Variants in RAD51AP1 observed in about 807,000 individuals in gnomAD.
RAD51AP1 encodes the protein RAD51-associated protein 1.
In RAD51AP1, 14 loss-of-function variants were observed where a neutral mutation model predicts 34.3. The observed-to-expected ratio is 0.41, with a 90% confidence interval of 0.27 to 0.64. The LOEUF is 0.64. RAD51AP1 is among the 30% of genes least tolerant of loss of function. RAD51AP1 has a pLI of 0.33. For missense variants in RAD51AP1, 348 were observed against 386.9 expected, an observed-to-expected ratio of 0.90 and a Z score of 0.84; for synonymous variants, 114 against 129.8, an observed-to-expected ratio of 0.88 and a Z score of 0.83.
intron 4 of RAD51AP1, among the ~76,000 whole-genome samples, chr12:4,547,491 T>C (rs894621924): frequency 1.3e-5 from 2 of 152,206 alleles, no homozygotes; most frequent in Non-Finnish European, 2.9e-5. Flanking sequence ...CATCTCTCTC[T>C]TTTAAGACAT....
intron 4 of RAD51AP1, 144 bp from the exon 5 acceptor site, chr12:4,547,948 C>T: frequency 3.6e-6 from 3 of 836,618 alleles, no homozygotes; most frequent in Non-Finnish European, 5.3e-6. Flanking sequence ...ATATGTTAAC[C>T]TCTCTGAATA....
intron 6 of RAD51AP1, among the ~76,000 whole-genome samples, chr12:4,552,753 G>A (rs1944555192): frequency 2.0e-5 from 3 of 152,156 alleles, no homozygotes; most frequent in Admixed American, 2.0e-4. Context: ...CTTTGATGGA[G>A]GTTTACAGTT....
At position 4,538,950 on chromosome 12, in the gene RAD51AP1, C is replaced by T; in HGVS notation, c.11C>T (p.Pro4Leu). Residue 4 changes from proline (P) to leucine (L), a missense_variant, in exon 1 of 9, where the codon CCT becomes CTT. Transcript: ENST00000352618. MVR[P>L]VRHKKPVNYS... Reference sequence around the variant, plus strand: ...GCCTTGAAAGGGACCATGGTGCGGCCTGTGAGGTGGGTAGTTCCTGACATT... The same window carrying T: ...GCCTTGAAAGGGACCATGGTGCGGCTTGTGAGGTGGGTAGTTCCTGACATT... 1.2e-6 allele frequency: 2 copies of T among 1,613,888 alleles called. No individual in the cohort carries two copies.
intron 4 of RAD51AP1, 129 bp from the exon 5 acceptor site, chr12:4,547,963 T>C (rs1944518001): frequency 1.3e-5 from 12 of 947,838 alleles, no homozygotes; most frequent in Middle Eastern, 3.5e-4. Flanking sequence ...TGAATAAAAT[T>C]ATTGTGCCAG....
intron 4 of RAD51AP1, among the ~76,000 whole-genome samples, chr12:4,547,517 G>A (rs1204099387): frequency 1.3e-4 from 20 of 152,148 alleles, no homozygotes. Context: ...AATGTATAAG[G>A]GGAGTTCCTT....
At chr12:4,539,102 G>T (rs1196392571) in intron 1 of RAD51AP1, 146 bp downstream of exon 1, 10 of 823,488 alleles carry the variant, frequency 1.2e-5, no homozygotes, top group Admixed American at 5.3e-5. Context: ...TCCAGTGAGA[G>T]CCACCCGTTG....
chr12:4,538,931 A>T lies in RAD51AP1; in HGVS notation c.-9A>T, dbSNP rs1172188784. The T allele has an allele frequency of 6.2e-7, 1 of 1,613,972 alleles. No individual in the cohort carries two copies. The highest frequency in any genetic ancestry group is 2.2e-5 in the East Asian group (1 of 44,894). Reference sequence around the variant, plus strand: ...TGAGAACTGTAAATACCAAGCCTTGAAAGGGACCATGGTGCGGCCTGTGAG... The same window carrying T: ...TGAGAACTGTAAATACCAAGCCTTGTAAGGGACCATGGTGCGGCCTGTGAG... On this transcript the variant is annotated 5_prime_UTR_variant, in exon 1 of 9. Transcript: ENST00000352618.
In RAD51AP1 at chr12:4,558,865, G is replaced by A. The variant is rs73255448; in HGVS notation, c.880G>A (p.Gly294Arg). 9.5e-4 allele frequency: 1,533 copies of A among 1,614,040 alleles called. 13 individuals carry two copies. The African/African-American group carries it at 0.018, about 19-fold the overall frequency. ...CATATGTTTCCTTTCAGCGGCATCT[G>A]GAGGTAGCAGAAGTAGCAGCAGCCC... The part of the protein sequence containing the change: ...KPKWVPPAAS[G>R]GSRSSSSPLV... Residue 294 changes from glycine (G) to arginine (R), a missense_variant, in exon 9 of 9, where the codon GGA becomes AGA. Coordinates refer to ENST00000352618, the MANE Select transcript of RAD51AP1 (RefSeq NM_006479.5).
Position 4,556,465 on chromosome 12 carries a change from T to G in RAD51AP1, c.834T>G (p.Pro278=). 4 of 1,613,714 alleles carry G rather than the reference T, an allele frequency of 2.5e-6. No individual in the cohort carries two copies. The highest frequency in any genetic ancestry group is 3.4e-6 in the Non-Finnish European group (4 of 1,179,636). ...TTRKPLEIRS[P]SAESKKPKWV... Reference sequence around the variant, plus strand: ...GGAAACCATTAGAAATACGCAGTCCTTCAGCTGAAAGCAAGAAACCTAAAT... The same window carrying G: ...GGAAACCATTAGAAATACGCAGTCCGTCAGCTGAAAGCAAGAAACCTAAAT... The change falls in exon 8 of 9, where the codon CCT becomes CCG. Residue 278 remains proline, a synonymous_variant. Coordinates refer to ENST00000352618, the MANE Select transcript of RAD51AP1 (RefSeq NM_006479.5).
chr12:4,546,258 G>A, intron 3 of RAD51AP1, 51 bp from the exon 4 acceptor site: 1 of 1,346,364 alleles, frequency 7.4e-7, no homozygotes, highest in Non-Finnish European at 1.0e-6. Flanking sequence ...TTGCTCTTTA[G>A]TTGAGATTGA....
rs1248011006 is a variant in RAD51AP1 at position 4,553,049 on chromosome 12, G to A, written c.623G>A (p.Arg208Lys). The A allele has an allele frequency of 6.2e-7, 1 of 1,605,970 alleles. No homozygotes were observed. The highest frequency in any genetic ancestry group is 1.1e-5 in the South Asian group (1 of 89,346). Reference protein sequence around the residue: ...SEDNDEDFSMRKSKVKEIKKK... With the variant: ...SEDNDEDFSMKKSKVKEIKKK... Reference sequence around the variant, plus strand: ...GATAATGACGAAGACTTCTCTATGAGAAAAAGTAAAGTTAAAGAAATTAAA... The same window carrying A: ...GATAATGACGAAGACTTCTCTATGAAAAAAAGTAAAGTTAAAGAAATTAAA... Residue 208 changes from arginine to lysine, a missense_variant, in exon 7 of 9, where the codon AGA (arginine) becomes AAA (lysine). By Grantham distance (26) the Arg-to-Lys change is conservative (BLOSUM62 2). Coordinates refer to ENST00000352618, the MANE Select transcript of RAD51AP1 (RefSeq NM_006479.5).
Position 4,543,797 on chromosome 12 carries a change from GA to G in RAD51AP1, c.105del (p.Lys35AsnfsTer9). 1 of 1,606,728 alleles carries G rather than the reference GA, an allele frequency of 6.2e-7. No homozygotes were observed. The highest frequency in any genetic ancestry group is 8.5e-7 in the Non-Finnish European group (1 of 1,176,730). ...FVSATVPLNK[K>X]SRTAPKELKQ... ...TTTCTGCAACTGTACCTTTAAACAA[GA>G]AATCCAGAACAGCACCAAAGGAGTT... is the stretch of plus-strand genomic sequence containing the variant. On this transcript the variant is annotated frameshift_variant, in exon 3 of 9. Coordinates refer to ENST00000352618, the MANE Select transcript of RAD51AP1 (RefSeq NM_006479.5). LOFTEE classifies it high-confidence loss of function.
chr12:4,545,882 T>C (rs762468489), intron 3 of RAD51AP1: 3 of 1,570,106 alleles, frequency 1.9e-6, no homozygotes, highest in African/African-American at 2.7e-5. Flanking sequence ...GAGGAAGAGA[T>C]GTAAAAAAAT....
intron 7 of RAD51AP1, 117 bp downstream of exon 7, chr12:4,553,264 T>A: frequency 1.1e-6 from 1 of 886,234 alleles, no homozygotes; most frequent in Non-Finnish European, 1.6e-6. Context: ...CATTTCTTGT[T>A]AAAATATGTA....
intron 1 of RAD51AP1, among the ~76,000 whole-genome samples, chr12:4,540,083 A>G (rs1944450891): frequency 6.6e-6 from 1 of 152,176 alleles, no homozygotes. Flanking sequence ...GGCACTGTGG[A>G]CAGAACTTGC....
intron 1 of RAD51AP1, among the ~76,000 whole-genome samples, chr12:4,540,289 G>A (rs2137237320): frequency 6.6e-6 from 1 of 152,306 alleles, no homozygotes; most frequent in African/African-American, 2.4e-5. Flanking sequence ...CATCCAGGCA[G>A]TGGAGTCATA....
In RAD51AP1 at chr12:4,553,029, T is replaced by C. The variant is rs61755425; in HGVS notation, c.603T>C (p.Asn201=). The C allele has an allele frequency of 2.0e-3, 3,284 of 1,603,360 alleles. 8 individuals carry two copies. The highest frequency in any genetic ancestry group is 2.6e-3 in the Non-Finnish European group (3,010 of 1,176,746). Residue 201 remains asparagine (N), a synonymous_variant, in exon 7 of 9, where the codon AAT becomes AAC. Transcript: ENST00000352618. ...DDSDFCESED[N]DEDFSMRKSK... ...CTGATTTTTGTGAGAGTGAGGATAA[T>C]GACGAAGACTTCTCTATGAGAAAAA... is the stretch of plus-strand genomic sequence containing the variant.
At chr12:4,542,987 G>C (rs1944479448) in intron 2 of RAD51AP1, among the ~76,000 whole-genome samples, 1 of 152,142 alleles carries the variant, frequency 6.6e-6, no homozygotes, top group Non-Finnish European at 1.5e-5. Context: ...CCTCAAATAG[G>C]AGCTACTTTC....
intron 3 of RAD51AP1, chr12:4,545,143 G>A: frequency 2.4e-6 from 1 of 418,498 alleles, no homozygotes; most frequent in Non-Finnish European, 4.7e-6. Context: ...AAAAAAAAAT[G>A]GAGGCAATCT....
Sources: gnomAD v4.1 joint callset for allele counts (sites outside exome capture counted in the v4.1 genomes callset) on GRCh38, gnomAD v4.1.1 for gene constraint, MANE v1.5 for transcripts, NCBI Gene and HGNC (gene_info 2026-07-23, HGNC 2026-07-21) for gene names.